The following DCLK2 variants were observed in gnomAD, a reference collection of about 807,000 sequenced individuals.
The protein encoded by DCLK2 is doublecortin like kinase 2, also known as serine/threonine-protein kinase DCLK2.
In DCLK2, 31 loss-of-function variants were observed where a neutral mutation model predicts 78.4. The observed-to-expected ratio is 0.40, with a 90% CI of 0.30 to 0.53. The LOEUF is 0.53. Ranked by LOEUF, DCLK2 falls within the 20% of genes least tolerant of loss-of-function variation. The pLI, the probability that DCLK2 is intolerant of heterozygous loss-of-function variation, is 0.61. For synonymous variants in DCLK2, 407 were observed against 374.9 expected (o/e 1.09, Z -0.99); for missense variants, 872 against 973.7 (o/e 0.90, Z 1.39).
intron 2 of DCLK2, among the ~76,000 whole-genome samples, chr4:150,189,242 C>CAA (rs11448649): frequency 2.6e-4 from 40 of 151,234 alleles, no homozygotes; most frequent in Admixed American, 5.3e-4. Flanking sequence ...TTTATTTGGC[C>CAA]AAAAAAAATA....
Position 150,078,450 on chromosome 4 carries a change from C to A in DCLK2, c.-578C>A, listed in dbSNP as rs1253111865. 6.6e-6 allele frequency: 1 copy of A among 151,732 alleles called. No homozygotes were observed. The highest frequency in any genetic ancestry group is 2.4e-5 in the African/African-American group (1 of 41,372). The allele number at this position is 151,732 out of a possible 1,614,324, so 9.4% of individuals were successfully genotyped here. A position where few individuals can be genotyped will look rare whatever the true frequency, so the allele number is the denominator to read the frequency against. Reference sequence around the variant, plus strand: ...CTCCAGGGAAGGAAGGGGCCAGACACGGCCCTCTCAGCCCCGAACGGCGCG... The same window carrying A: ...CTCCAGGGAAGGAAGGGGCCAGACAAGGCCCTCTCAGCCCCGAACGGCGCG... On this transcript the variant is annotated 5_prime_UTR_variant, in exon 1 of 16. Transcript: ENST00000296550.
intron 2 of DCLK2, among the ~76,000 whole-genome samples, chr4:150,165,749 C>G (rs537083114): frequency 6.6e-6 from 1 of 152,316 alleles, no homozygotes; most frequent in African/African-American, 2.4e-5. Context: ...TCACCTGATG[C>G]TGTGGTTTGA....
chr4:150,199,969 T>C (rs1228326413), intron 4 of DCLK2, among the ~76,000 whole-genome samples: 1 of 152,188 alleles, frequency 6.6e-6, no homozygotes, highest in Admixed American at 6.5e-5. Context: ...ATAGTGCCTG[T>C]GCATAGCCAC....
intron 2 of DCLK2, among the ~76,000 whole-genome samples, chr4:150,180,535 A>C (rs951520517): frequency 2.0e-5 from 3 of 151,892 alleles, no homozygotes. Flanking sequence ...AACACGTTCC[A>C]CTCTAGCTTC....
intron 2 of DCLK2, among the ~76,000 whole-genome samples, chr4:150,189,585 G>C (rs192035908): frequency 6.6e-6 from 1 of 152,256 alleles, no homozygotes. Flanking sequence ...GTATAACCTC[G>C]TGGGATTGTT....
intron 10 of DCLK2, among the ~76,000 whole-genome samples, chr4:150,238,326 G>T (rs897236920): frequency 6.6e-6 from 1 of 152,086 alleles, no homozygotes; most frequent in Non-Finnish European, 1.5e-5. Context: ...CATAGTCATT[G>T]CCCTATTACC....
At chr4:150,127,053 A>G (rs571952060) in intron 2 of DCLK2, among the ~76,000 whole-genome samples, 22 of 152,326 alleles carry the variant, frequency 1.4e-4, no homozygotes, top group African/African-American at 5.3e-4. Flanking sequence ...ATACTAAGGA[A>G]GTTATATTGT....
At chr4:150,124,502 T>C (rs1732788021) in intron 2 of DCLK2, among the ~76,000 whole-genome samples, 1 of 152,226 alleles carries the variant, frequency 6.6e-6, no homozygotes, top group Non-Finnish European at 1.5e-5. Context: ...TGTGCATCAG[T>C]GCATACTGAA....
At chr4:150,143,426 G>A (rs1734240703) in intron 2 of DCLK2, among the ~76,000 whole-genome samples, 1 of 152,236 alleles carries the variant, frequency 6.6e-6, no homozygotes, top group African/African-American at 2.4e-5. Flanking sequence ...GGAGGATTGC[G>A]AGAGCCCAGG....
At chr4:150,234,814 CAG>C (rs1218796018) in intron 10 of DCLK2, among the ~76,000 whole-genome samples, 4 of 151,432 alleles carry the variant, frequency 2.6e-5, no homozygotes, top group African/African-American at 9.7e-5. Context: ...GGAATGGAGA[CAG>C]AGTTGTAAAC....
Position 150,239,770 on chromosome 4 carries a change from C to G in DCLK2, c.1595C>G (p.Ser532Cys). 2 of 1,614,162 alleles carry G rather than the reference C, an allele frequency of 1.2e-6. No individual in the cohort carries two copies. The highest frequency in any genetic ancestry group is 4.5e-5 in the East Asian group (2 of 44,888). ...LVCEYPDGTK[S>C]LKLGDFGLAT... is the part of the protein sequence containing the mutation. The stretch of plus-strand genomic sequence containing the variant: ...TGTGAATATCCTGATGGAACCAAGT[C>G]TTTGAAACTGGGAGACTTTGGGCTT... The change falls in exon 11 of 16, where the codon TCT becomes TGT. Residue 532 changes from serine to cysteine, a missense_variant. This residue lies in a region of DCLK2 where 86 missense variants were observed against 150.3 expected (regional missense o/e 0.57). Coordinates refer to ENST00000296550, the MANE Select transcript of DCLK2 (RefSeq NM_001040260.4).
chr4:150,207,455 A>T (rs1739924436), intron 5 of DCLK2, among the ~76,000 whole-genome samples: 1 of 152,314 alleles, frequency 6.6e-6, no homozygotes, highest in East Asian at 1.9e-4. Context: ...TTAATCTCTG[A>T]TCATGGATTG....
chr4:150,191,943 A>G (rs1260054908), intron 2 of DCLK2, among the ~76,000 whole-genome samples: 1 of 152,236 alleles, frequency 6.6e-6, no homozygotes, highest in African/African-American at 2.4e-5. Context: ...AGCCTGTTCA[A>G]GTACTAGAGT....
intron 2 of DCLK2, among the ~76,000 whole-genome samples, chr4:150,163,977 A>G (rs1257129903): frequency 3.9e-5 from 6 of 152,170 alleles, no homozygotes; most frequent in Non-Finnish European, 8.8e-5. Context: ...TGATCTCACT[A>G]TGTTGACCAG....
At chr4:150,122,958 T>C (rs957899704) in intron 2 of DCLK2, among the ~76,000 whole-genome samples, 4 of 152,226 alleles carry the variant, frequency 2.6e-5, no homozygotes, top group African/African-American at 9.6e-5. Context: ...AAGAGCTTTG[T>C]CACCACTCTC....
intron 3 of DCLK2, among the ~76,000 whole-genome samples, chr4:150,194,080 T>TAC (rs1410228510): frequency 7.0e-6 from 1 of 142,278 alleles, no homozygotes; most frequent in Non-Finnish European, 1.5e-5. Flanking sequence ...CACGTATACT[T>TAC]ACTTTGTTTA....
At chr4:150,246,468 C>G (rs1743319381) in intron 12 of DCLK2, among the ~76,000 whole-genome samples, 1 of 152,188 alleles carries the variant, frequency 6.6e-6, no homozygotes, top group Non-Finnish European at 1.5e-5. Context: ...TGCCCTTGTT[C>G]CCCTTTGAGA....
intron 2 of DCLK2, among the ~76,000 whole-genome samples, chr4:150,104,419 A>AAAAAAAAAAAAAAAAAC (rs1731102925): frequency 6.9e-6 from 1 of 145,754 alleles, no homozygotes; most frequent in Non-Finnish European, 1.5e-5. Context: ...AAAAAAAAAA[A>AAAAAAAAAAAAAAAAAC]AAAATCGAGC....
In DCLK2 at chr4:150,219,389, G is replaced by C. The variant is rs543038690; in HGVS notation, c.1057-1314G>C. The stretch of plus-strand genomic sequence containing the variant: ...TTCAAGCGATTCTTATGCCTCCCAG[G>C]TAGCTGGGATTACAGTCATGTGTCA... On this transcript the variant is annotated intron_variant, in intron 5 of 15. Transcript: ENST00000296550. 7.3e-5 allele frequency among the ~76,000 whole-genome samples: 11 copies of C among 151,048 alleles called. No individual in the cohort carries two copies. The East Asian group carries it at 2.2e-3, about 30-fold the overall frequency.
Sources: allele counts gnomAD v4.1 joint callset (sites outside exome capture counted in the v4.1 genomes callset), GRCh38; gene constraint gnomAD v4.1.1; regional missense constraint gnomAD v4.1.1; transcripts MANE v1.5; gene names NCBI Gene and HGNC (gene_info 2026-07-23, HGNC 2026-07-21).